The following SPINK4 variants were observed in gnomAD, a reference collection of about 807,000 sequenced individuals.
The protein encoded by SPINK4 is serine protease inhibitor Kazal-type 4.
In SPINK4, 10 loss-of-function variants were observed where a neutral mutation model predicts 12.3. That is an observed-to-expected ratio of 0.81 (90% CI 0.50 to 1.37). The LOEUF is 1.37. Among genes scored for constraint, SPINK4 ranks in the 40% most tolerant of loss-of-function variants. The probability of loss-of-function intolerance (pLI) is 0.00; values close to 1 mark genes in which losing one functional copy is unlikely to be tolerated. For missense variants in SPINK4, 91 were observed against 109.0 expected (o/e 0.84, Z 0.73); for synonymous variants, 37 against 40.2 (o/e 0.92, Z 0.30).
chr9:33,246,568 C>A, intron 2 of SPINK4, 48 bp from the exon 3 acceptor site: 1 of 1,535,740 alleles, frequency 6.5e-7, no homozygotes, highest in Non-Finnish European at 9.0e-7. Flanking sequence ...GTATCCCTCC[C>A]CACTGCCTCT....
chr9:33,246,896 CACATGGTTCCAA>C (rs1365200220), intron 3 of SPINK4, among the ~76,000 whole-genome samples, 168 bp downstream of exon 3: 2 of 152,122 alleles, frequency 1.3e-5, no homozygotes, highest in Admixed American at 6.5e-5. Context: ...TCAAAGAAGG[CACATGGTTCCAA>C]GCAGAAATCT....
At chr9:33,246,075 T>C (rs1259409210) in intron 2 of SPINK4, among the ~76,000 whole-genome samples, 1 of 152,146 alleles carries the variant, frequency 6.6e-6, no homozygotes, top group Admixed American at 6.5e-5. Context: ...ACAGCCTCAA[T>C]TAAGCCCCAA....
chr9:33,241,067 C>T (rs567798304), intron 1 of SPINK4, among the ~76,000 whole-genome samples: 14 of 151,980 alleles, frequency 9.2e-5, no homozygotes, highest in Non-Finnish European at 1.6e-4. Context: ...TCTGAGAGTC[C>T]GATGTTTGAG....
chr9:33,246,191 G>A (rs1820283449), intron 2 of SPINK4, among the ~76,000 whole-genome samples: 1 of 152,130 alleles, frequency 6.6e-6, no homozygotes, highest in African/African-American at 2.4e-5. Flanking sequence ...GGGAGAGAGG[G>A]GCCTCCTGGG....
rs1178748852 is a variant in SPINK4 at position 33,246,321 on chromosome 9, CACATAG to C, written c.103-289_103-284del. Among the ~76,000 whole-genome samples the C allele has an allele frequency of 2.6e-5, 4 of 152,124 alleles. No homozygotes were observed. In the East Asian group the frequency reaches 7.7e-4, roughly 29 times the overall value. On this transcript the variant is annotated intron_variant, in intron 2 of 3. Coordinates refer to ENST00000379721, the MANE Select transcript of SPINK4 (RefSeq NM_014471.3). ...CTTGAGGGCACAAACTCACTCCACA[CACATAG>C]ACATAAACACAGGCATACGCTTGAA... is the stretch of plus-strand genomic sequence containing the variant.
In SPINK4 at chr9:33,241,798, C is replaced by T. The variant is rs1237988858; in HGVS notation, c.61+1529C>T. On this transcript the variant is annotated intron_variant, in intron 1 of 3. Coordinates refer to ENST00000379721, the MANE Select transcript of SPINK4 (RefSeq NM_014471.3). ...TGGGGGTAAATGTAGCTTTTCCCCA[C>T]ATCCCCCAGAAAGAAACTCTGACAT... 2.0e-5 allele frequency among the ~76,000 whole-genome samples: 3 copies of T among 152,174 alleles called. 1 individual carries two copies. The highest frequency in any genetic ancestry group is 7.2e-5 in the African/African-American group (3 of 41,434).
Position 33,248,426 on chromosome 9 carries a change from A to G in SPINK4, c.216A>G (p.Ile72Met). 6.2e-7 allele frequency: 1 copy of G among 1,614,066 alleles called. No homozygotes were observed. The highest frequency in any genetic ancestry group is 8.5e-7 in the Non-Finnish European group (1 of 1,180,016). ...TCATGCCTGTCTTCTTTGATCCTAG[A>G]AAAACCAAACAGGACATCCAGATCA... is the stretch of plus-strand genomic sequence containing the variant. The part of the protein sequence containing the change: ...TNECQLCLAR[I>M]KTKQDIQIMK... The change falls in exon 4 of 4, where the codon ATA (isoleucine) becomes ATG (methionine). Residue 72 changes from isoleucine to methionine, a missense_variant and splice_region_variant. By Grantham distance (10) the Ile-to-Met change is conservative (BLOSUM62 1). Transcript: ENST00000379721.
At chr9:33,248,077 G>A (rs1187938826) in intron 3 of SPINK4, 1 of 263,814 alleles carries the variant, frequency 3.8e-6, no homozygotes, top group South Asian at 6.1e-5. Context: ...CCAGTTCTGT[G>A]GGGGGCAGTG....
At chr9:33,246,551 A>G in intron 2 of SPINK4, 65 bp from the exon 3 acceptor site, 1 of 1,433,306 alleles carries the variant, frequency 7.0e-7, no homozygotes, top group Non-Finnish European at 9.8e-7. Flanking sequence ...TTCCGAGCAG[A>G]ACCCCTGTAT....
chr9:33,248,409 G>A lies in SPINK4; in HGVS notation c.216-17G>A. 2 of 1,613,910 alleles carry A rather than the reference G, an allele frequency of 1.2e-6. No individual in the cohort carries two copies. Among genetic ancestry groups the A allele is most frequent in the Non-Finnish European group, 1.7e-6 (2 of 1,179,944 alleles). ...CTCCTGAGAAGGTAGCCTCATGCCT[G>A]TCTTCTTTGATCCTAGAAAAACCAA... On this transcript the variant is annotated splice_polypyrimidine_tract_variant and intron_variant, in intron 3 of 3. Coordinates refer to ENST00000379721, the MANE Select transcript of SPINK4 (RefSeq NM_014471.3).
intron 2 of SPINK4, among the ~76,000 whole-genome samples, chr9:33,245,711 C>T (rs756834515): frequency 8.5e-5 from 13 of 152,174 alleles, no homozygotes; most frequent in South Asian, 2.1e-4. Flanking sequence ...TGAGGAGGCT[C>T]GGAGCCACCT....
At chr9:33,247,507 A>G (rs1226246494) in intron 3 of SPINK4, among the ~76,000 whole-genome samples, 1 of 152,120 alleles carries the variant, frequency 6.6e-6, no homozygotes, top group Non-Finnish European at 1.5e-5. Flanking sequence ...GGCACACAGG[A>G]ATAAGTAGAA....
At chr9:33,240,757 C>G (rs1333120733) in intron 1 of SPINK4, among the ~76,000 whole-genome samples, 1 of 152,232 alleles carries the variant, frequency 6.6e-6, no homozygotes, top group Non-Finnish European at 1.5e-5. Context: ...TTTCCCAGGA[C>G]TGGACACATA....
intron 2 of SPINK4, 103 bp from the exon 3 acceptor site, chr9:33,246,513 C>T (rs1732959738): frequency 2.3e-6 from 2 of 879,484 alleles, no homozygotes; most frequent in Non-Finnish European, 3.8e-6. Flanking sequence ...GCCTTCTTGA[C>T]TCTGATACCT....
intron 2 of SPINK4, among the ~76,000 whole-genome samples, chr9:33,246,134 A>G (rs1469471063): frequency 1.3e-5 from 2 of 152,154 alleles, no homozygotes; most frequent in African/African-American, 4.8e-5. Flanking sequence ...CCTTTCTGAC[A>G]TGGGCCTGAT....
chr9:33,248,322 TG>T, intron 3 of SPINK4, 103 bp from the exon 4 acceptor site: 2 of 1,185,512 alleles, frequency 1.7e-6, no homozygotes, highest in Non-Finnish European at 1.2e-6. Flanking sequence ...ACTGCATATG[TG>T]GGCGACGCTC....
intron 1 of SPINK4, among the ~76,000 whole-genome samples, 171 bp downstream of exon 1, chr9:33,240,440 G>C (rs968063588): frequency 6.6e-6 from 1 of 152,212 alleles, no homozygotes; most frequent in East Asian, 1.9e-4. Flanking sequence ...TGGGAGAAAA[G>C]AAACTTGGGT....
At chr9:33,243,483 T>C (rs76718502) in intron 1 of SPINK4, among the ~76,000 whole-genome samples, 1,913 of 152,332 alleles carry the variant, frequency 0.013, 32 homozygotes, top group African/African-American at 0.044. Context: ...GTGATTTTTT[T>C]CCATCATAGA....
chr9:33,244,530 C>A (rs1308973431), intron 1 of SPINK4, among the ~76,000 whole-genome samples: 1 of 152,170 alleles, frequency 6.6e-6, no homozygotes, highest in Non-Finnish European at 1.5e-5. Flanking sequence ...CCCTTTGTAA[C>A]CACATCAACC....
Sources: gnomAD v4.1 joint callset for allele counts (sites outside exome capture counted in the v4.1 genomes callset) on GRCh38, gnomAD v4.1.1 for gene constraint, MANE v1.5 for transcripts, NCBI Gene and HGNC (gene_info 2026-07-23, HGNC 2026-07-21) for gene names.